ZDHHC14: variants seen among roughly 807,000 people sequenced by gnomAD.
ZDHHC14 encodes the protein zDHHC palmitoyltransferase 14.
ZDHHC14 carries 16 observed loss-of-function variants against 47.7 expected under a neutral mutation model. The ratio of observed to expected loss-of-function variants is 0.34; its 90% CI spans 0.23 to 0.51. ZDHHC14 has a LOEUF of 0.51. Ranked by LOEUF, ZDHHC14 falls within the 20% of genes least tolerant of loss-of-function variation. The pLI is 0.97. For missense variants in ZDHHC14, 515 were observed against 662.5 expected (o/e 0.78, Z 2.44); for synonymous variants, 293 against 278.9 (o/e 1.05, Z -0.50).
chr6:157,588,586 A>G (rs949150326), intron 2 of ZDHHC14, among the ~76,000 whole-genome samples: 16 of 152,354 alleles, frequency 1.1e-4, no homozygotes, highest in Admixed American at 9.8e-4. Flanking sequence ...TGGGGGCAGA[A>G]TGGCACAGCT....
intron 3 of ZDHHC14, among the ~76,000 whole-genome samples, chr6:157,604,405 C>T (rs987689730): frequency 1.1e-4 from 17 of 152,006 alleles, no homozygotes; most frequent in African/African-American, 4.1e-4. Flanking sequence ...CTGTGGGTTT[C>T]GATATCTGAG....
At chr6:157,424,766 C>T (rs536392056) in intron 1 of ZDHHC14, among the ~76,000 whole-genome samples, 1 of 152,244 alleles carries the variant, frequency 6.6e-6, no homozygotes, top group African/African-American at 2.4e-5. Flanking sequence ...TTCTCACCTC[C>T]CCTATCCAAT....
intron 1 of ZDHHC14, among the ~76,000 whole-genome samples, chr6:157,496,838 G>C (rs1054735919): frequency 6.6e-6 from 1 of 152,184 alleles, no homozygotes; most frequent in Non-Finnish European, 1.5e-5. Context: ...TACACACGCC[G>C]ACCTGCATGA....
At chr6:157,620,554 C>T (rs1223829694) in intron 3 of ZDHHC14, among the ~76,000 whole-genome samples, 2 of 152,254 alleles carry the variant, frequency 1.3e-5, no homozygotes. Context: ...CCAACATTCA[C>T]TTTGCTGAGG....
chr6:157,480,345 G>A (rs371917546), intron 1 of ZDHHC14, among the ~76,000 whole-genome samples: 4 of 138,798 alleles, frequency 2.9e-5, no homozygotes, highest in Admixed American at 1.6e-4. Context: ...TTGGCTCACT[G>A]CAACCTCTGC....
chr6:157,645,504 G>A (rs892709650), intron 5 of ZDHHC14, among the ~76,000 whole-genome samples: 5 of 152,254 alleles, frequency 3.3e-5, no homozygotes, highest in Middle Eastern at 3.4e-3. Context: ...CAGGCATCAC[G>A]GAGCCACAGA....
intron 4 of ZDHHC14, 49 bp from the exon 5 acceptor site, chr6:157,632,785 A>G (rs1349129919): frequency 1.3e-6 from 2 of 1,560,382 alleles, no homozygotes; most frequent in Non-Finnish European, 1.8e-6. Context: ...AGCATTCAGC[A>G]TGAAGGCTGT....
At chr6:157,392,222 T>C (rs1015693871) in intron 1 of ZDHHC14, among the ~76,000 whole-genome samples, 2 of 152,222 alleles carry the variant, frequency 1.3e-5, no homozygotes, top group African/African-American at 4.8e-5. Context: ...AGCTATCAAC[T>C]AATCATTGAA....
chr6:157,671,406 C>A (rs1404162588), intron 8 of ZDHHC14, among the ~76,000 whole-genome samples: 1 of 152,168 alleles, frequency 6.6e-6, no homozygotes, highest in East Asian at 1.9e-4. Context: ...CACTTTATAG[C>A]TTGAGCACAG....
At chr6:157,478,150 A>C (rs962219906) in intron 1 of ZDHHC14, among the ~76,000 whole-genome samples, 1 of 152,210 alleles carries the variant, frequency 6.6e-6, no homozygotes, top group Non-Finnish European at 1.5e-5. Context: ...TCATTGGCAA[A>C]CTTTGCATTA....
chr6:157,519,779 C>CAT (rs1780850721), intron 1 of ZDHHC14, among the ~76,000 whole-genome samples: 2 of 152,312 alleles, frequency 1.3e-5, no homozygotes, highest in African/African-American at 4.8e-5. Context: ...ATTAAACACG[C>CAT]ATCTCTTGAG....
At chr6:157,621,554 A>G (rs546313208) in intron 3 of ZDHHC14, among the ~76,000 whole-genome samples, 1 of 152,292 alleles carries the variant, frequency 6.6e-6, no homozygotes, top group South Asian at 2.1e-4. Context: ...ACCGTCTGCC[A>G]AGAGCCTGTG....
At position 157,471,940 on chromosome 6, in the gene ZDHHC14, G is replaced by A. The variant is rs538306216; in HGVS notation, c.246-70645G>A. ...GTGCCTGGCACCGGGTGAAACTTGG[G>A]CGTTTTCACCATTACTTTCTGATTA... On this transcript the variant is annotated intron_variant, in intron 1 of 8. Coordinates refer to ENST00000359775, the MANE Select transcript of ZDHHC14 (RefSeq NM_024630.3). 1.7e-4 allele frequency among the ~76,000 whole-genome samples: 26 copies of A among 152,284 alleles called. 1 individual carries two copies. The South Asian group carries it at 4.2e-3, about 24-fold the overall frequency.
At chr6:157,619,297 A>G (rs905103091) in intron 3 of ZDHHC14, among the ~76,000 whole-genome samples, 10 of 152,206 alleles carry the variant, frequency 6.6e-5, no homozygotes, top group Non-Finnish European at 1.0e-4. Flanking sequence ...AGCCTGAGGC[A>G]AGAGAATCAC....
At chr6:157,505,960 G>A (rs1042764872) in intron 1 of ZDHHC14, among the ~76,000 whole-genome samples, 1 of 152,210 alleles carries the variant, frequency 6.6e-6, no homozygotes, top group African/African-American at 2.4e-5. Flanking sequence ...GGGCCTGTTT[G>A]GCTCAGAAAT....
chr6:157,663,688 G>T (rs912826219), intron 8 of ZDHHC14, among the ~76,000 whole-genome samples: 1 of 152,156 alleles, frequency 6.6e-6, no homozygotes, highest in East Asian at 1.9e-4. Context: ...TGGAAAGCAC[G>T]CAAGCAGAGC....
intron 2 of ZDHHC14, among the ~76,000 whole-genome samples, chr6:157,544,288 C>T (rs1309100017): frequency 6.6e-6 from 1 of 152,240 alleles, no homozygotes; most frequent in Non-Finnish European, 1.5e-5. Context: ...TGATCCCCAT[C>T]TCCAGGTTAG....
intron 1 of ZDHHC14, among the ~76,000 whole-genome samples, chr6:157,396,449 A>G (rs902848247): frequency 1.3e-5 from 2 of 152,236 alleles, no homozygotes; most frequent in African/African-American, 4.8e-5. Flanking sequence ...TGAACATAAA[A>G]GCCAAAGTCA....
intron 2 of ZDHHC14, among the ~76,000 whole-genome samples, chr6:157,573,323 C>A (rs565705681): frequency 6.6e-6 from 1 of 152,122 alleles, no homozygotes; most frequent in African/African-American, 2.4e-5. Context: ...GCATCCACGC[C>A]GGTTCCATCT....
Sources: gnomAD v4.1 joint callset for allele counts (sites outside exome capture counted in the v4.1 genomes callset) on GRCh38, gnomAD v4.1.1 for gene constraint, MANE v1.5 for transcripts, NCBI Gene and HGNC (gene_info 2026-07-23, HGNC 2026-07-21) for gene names.